Variants in SRPK1 observed in about 807,000 individuals in gnomAD.
The protein encoded by SRPK1 is SRSF protein kinase 1.
A neutral mutation model predicts 89.5 loss-of-function variants in SRPK1; 52 were observed. The ratio of observed to expected loss-of-function variants is 0.58; its 90% CI spans 0.46 to 0.73. The LOEUF (loss-of-function observed/expected upper bound fraction) is 0.73. SRPK1 is among the 30% of genes least tolerant of loss of function. The pLI is 0.00. For synonymous variants in SRPK1, 255 were observed against 270.2 expected, an observed-to-expected ratio of 0.94 and a Z score of 0.55; for missense variants, 603 against 780.6, an observed-to-expected ratio of 0.77 and a Z score of 2.71.
At chr6:35,838,576 G>T in intron 14 of SRPK1, 147 bp from the exon 15 acceptor site, 1 of 1,411,574 alleles carries the variant, frequency 7.1e-7, no homozygotes, top group East Asian at 2.3e-5. Flanking sequence ...AATGGGAAGA[G>T]GAAGACTCTA....
At chr6:35,840,918 C>T (rs182327220) in intron 14 of SRPK1, among the ~76,000 whole-genome samples, 152 of 152,206 alleles carry the variant, frequency 1.0e-3, no homozygotes, top group African/African-American at 3.5e-3. Flanking sequence ...TTTTCCTTGT[C>T]CCCTTATTTG....
At chr6:35,912,608 A>G (rs1371515114) in intron 2 of SRPK1, among the ~76,000 whole-genome samples, 1 of 152,238 alleles carries the variant, frequency 6.6e-6, no homozygotes, top group Admixed American at 6.5e-5. Context: ...GTGAACCCAT[A>G]GTATCTCCAA....
At chr6:35,877,674 C>T (rs796545006) in intron 6 of SRPK1, among the ~76,000 whole-genome samples, 2 of 152,120 alleles carry the variant, frequency 1.3e-5, no homozygotes, top group South Asian at 4.2e-4. Context: ...AACTCCATCT[C>T]TACTAAAAAT....
At position 35,834,676 on chromosome 6, in the gene SRPK1, T is replaced by C. The variant is rs1481842774; in HGVS notation, c.*628A>G. The C allele has an allele frequency of 6.6e-6, 1 of 152,142 alleles. No homozygotes were observed. The highest frequency in any genetic ancestry group is 1.9e-4 in the East Asian group (1 of 5,206). 9.4% of individuals were successfully genotyped at this position (152,142 alleles called of 1,614,324 possible). On this transcript the variant is annotated 3_prime_UTR_variant, in exon 16 of 16. Coordinates refer to ENST00000373825, the MANE Select transcript of SRPK1 (RefSeq NM_003137.5). ...ACTGAAGATTCAAAGATCTTAACTA[T>C]TAAAGGATGAAAGGAATTTGACAGT...
At chr6:35,920,158 G>A (rs1031924304) in intron 2 of SRPK1, 12 of 522,510 alleles carry the variant, frequency 2.3e-5, no homozygotes, top group Non-Finnish European at 4.1e-5. Context: ...CAGCTCCGGT[G>A]GGGAGGTCCA....
At chr6:35,901,911 AG>A (rs1770751870) in intron 2 of SRPK1, among the ~76,000 whole-genome samples, 1 of 152,206 alleles carries the variant, frequency 6.6e-6, no homozygotes, top group South Asian at 2.1e-4. Flanking sequence ...AGCTGGAACT[AG>A]GGTCTAACAA....
At chr6:35,857,101 T>C in intron 13 of SRPK1, 160 bp downstream of exon 13, 1 of 549,534 alleles carries the variant, frequency 1.8e-6, no homozygotes, top group Non-Finnish European at 3.2e-6. Flanking sequence ...AGACAGGTTT[T>C]TGAATTCGGA....
rs551519013 is a variant in SRPK1, at chr6:35,897,227, C to T, written c.75-6214G>A. ...GCATGCAAATTATGTCTCAATAAAGCTTTAGAAAACTAGGTCCAAATATAG... is the reference window on the plus strand; with the variant it reads ...GCATGCAAATTATGTCTCAATAAAGTTTTAGAAAACTAGGTCCAAATATAG... On this transcript the variant is annotated intron_variant, in intron 2 of 15. Transcript: ENST00000373825. 1.5e-3 allele frequency among the ~76,000 whole-genome samples: 223 copies of T among 152,124 alleles called. 3 individuals carry two copies. Among genetic ancestry groups the T allele is most frequent in the African/African-American group, 5.0e-3 (207 of 41,498 alleles).
intron 13 of SRPK1, among the ~76,000 whole-genome samples, chr6:35,854,776 A>G (rs1213980962): frequency 6.6e-6 from 1 of 152,228 alleles, no homozygotes; most frequent in Non-Finnish European, 1.5e-5. Context: ...ACTACATCTT[A>G]GCAAATCCAC....
intron 12 of SRPK1, among the ~76,000 whole-genome samples, chr6:35,861,115 C>G (rs1288571499): frequency 1.3e-5 from 2 of 152,168 alleles, no homozygotes. Context: ...GGAACCAGAA[C>G]AGTCAGAAGA....
Position 35,870,922 on chromosome 6 carries a change from C to G in SRPK1, c.777+12G>C, listed in dbSNP as rs1315139067. Reference sequence around the variant, plus strand: ...TAGATCAAAATTAAATATAAAAACACCTTATACTTACTGGTTTAGGCTGGG... The same window carrying G: ...TAGATCAAAATTAAATATAAAAACAGCTTATACTTACTGGTTTAGGCTGGG... On this transcript the variant is annotated intron_variant, in intron 9 of 15. Coordinates refer to ENST00000373825, the MANE Select transcript of SRPK1 (RefSeq NM_003137.5). The G allele has an allele frequency of 6.2e-7, 1 of 1,600,628 alleles. No homozygotes were observed. The highest frequency in any genetic ancestry group is 8.5e-7 in the Non-Finnish European group (1 of 1,170,932).
rs557128636 is a variant in SRPK1, at chr6:35,834,251, G to C, written c.*1053C>G. ...TCATTTGGGGTTATATTAAAGACTC[G>C]AGCCTCTGAGAAAATCAGAAAGGCA... On this transcript the variant is annotated 3_prime_UTR_variant, in exon 16 of 16. Coordinates refer to ENST00000373825, the MANE Select transcript of SRPK1 (RefSeq NM_003137.5). The C allele has an allele frequency of 6.6e-6, 1 of 152,288 alleles. No homozygotes were observed. Among genetic ancestry groups the C allele is most frequent in the Admixed American group, 6.6e-5 (1 of 15,236 alleles). The allele number at this position is 152,288 out of a possible 1,614,324, so 9.4% of individuals were successfully genotyped here.
At chr6:35,920,371 G>T in intron 2 of SRPK1, 97 bp downstream of exon 2, 1 of 1,392,392 alleles carries the variant, frequency 7.2e-7, no homozygotes, top group South Asian at 1.2e-5. Context: ...GCAGCCACAG[G>T]GTGCCCAAAC....
chr6:35,853,388 C>G (rs1769597342), intron 13 of SRPK1, among the ~76,000 whole-genome samples: 1 of 152,190 alleles, frequency 6.6e-6, no homozygotes, highest in Non-Finnish European at 1.5e-5. Context: ...TTTAAGTACA[C>G]AGAGGCCATA....
intron 8 of SRPK1, among the ~76,000 whole-genome samples, chr6:35,871,376 A>G (rs1400030166): frequency 6.6e-6 from 1 of 152,226 alleles, no homozygotes; most frequent in African/African-American, 2.4e-5. Context: ...CATGGATAAC[A>G]GTGTAGCTTA....
At chr6:35,859,909 A>T (rs2151085211) in intron 12 of SRPK1, among the ~76,000 whole-genome samples, 1 of 148,838 alleles carries the variant, frequency 6.7e-6, no homozygotes, top group South Asian at 2.1e-4. Flanking sequence ...CCCAGGCTGG[A>T]GTGCAGTGGT....
At chr6:35,873,681 G>A (rs1413143479) in intron 7 of SRPK1, among the ~76,000 whole-genome samples, 3 of 151,692 alleles carry the variant, frequency 2.0e-5, no homozygotes, top group Non-Finnish European at 2.9e-5. Context: ...GTAGAGACGG[G>A]GTTTCGCACT....
intron 2 of SRPK1, among the ~76,000 whole-genome samples, chr6:35,916,750 A>G (rs969677904): frequency 6.6e-6 from 1 of 152,238 alleles, no homozygotes; most frequent in Non-Finnish European, 1.5e-5. Context: ...TATGTTCCAT[A>G]GAAACAACTT....
chr6:35,888,168 T>G, intron 4 of SRPK1, 57 bp from the exon 5 acceptor site: 2 of 1,215,312 alleles, frequency 1.6e-6, no homozygotes, highest in Non-Finnish European at 2.3e-6. Flanking sequence ...TTTAGGAAGC[T>G]AAGATTTAGC....
Sources: gnomAD v4.1 joint callset for allele counts (sites outside exome capture counted in the v4.1 genomes callset) on GRCh38, gnomAD v4.1.1 for gene constraint, MANE v1.5 for transcripts, NCBI Gene and HGNC (gene_info 2026-07-23, HGNC 2026-07-21) for gene names.